Variants in CR1 observed in about 807,000 individuals in gnomAD.
The protein encoded by CR1 is complement receptor type 1.
Under a neutral mutation model 187.3 loss-of-function variants are expected in CR1, and 116 were observed. That is an observed-to-expected ratio of 0.62 (90% CI 0.53 to 0.72). The LOEUF (loss-of-function observed/expected upper bound fraction) is 0.72, where lower values mean the gene tolerates loss of function less well. CR1 is among the 30% of genes least tolerant of loss of function. The pLI, the probability that CR1 is intolerant of heterozygous loss-of-function variation, is 0.00. For missense variants in CR1, 1,731 were observed against 2,110.7 expected (o/e 0.82, Z 3.52); for synonymous variants, 576 against 747.1 (o/e 0.77, Z 3.73).
intron 33 of CR1, among the ~76,000 whole-genome samples, chr1:207,586,342 C>T (rs1262974861): frequency 6.6e-6 from 1 of 152,122 alleles, no homozygotes; most frequent in Non-Finnish European, 1.5e-5. Flanking sequence ...CATCATGTTG[C>T]CCAGGCTGGT....
chr1:207,609,998 CT>C (rs1351903681), intron 37 of CR1, among the ~76,000 whole-genome samples: 1 of 152,148 alleles, frequency 6.6e-6, no homozygotes, highest in Non-Finnish European at 1.5e-5. Context: ...TTCCAAGGCT[CT>C]GACTCCAGAG....
chr1:207,591,129 C>T (rs777459960), intron 35 of CR1, among the ~76,000 whole-genome samples: 38 of 152,176 alleles, frequency 2.5e-4, no homozygotes, highest in Non-Finnish European at 7.4e-5. Context: ...GAACTCTCCA[C>T]CCCAAATCAG....
intron 35 of CR1, among the ~76,000 whole-genome samples, chr1:207,603,696 T>C (rs1229629368): frequency 6.6e-6 from 1 of 152,170 alleles, no homozygotes; most frequent in Non-Finnish European, 1.5e-5. Context: ...TTCTAATTAT[T>C]ATATATTACT....
At chr1:207,588,850 C>A in intron 35 of CR1, 76 bp downstream of exon 35, 2 of 969,338 alleles carry the variant, frequency 2.1e-6, no homozygotes, top group South Asian at 1.5e-5. Context: ...CTCAGATAGA[C>A]AAACTAAACT....
chr1:207,520,670 G>A (rs185280595), intron 4 of CR1, among the ~76,000 whole-genome samples: 1 of 152,084 alleles, frequency 6.6e-6, no homozygotes, highest in Admixed American at 6.5e-5. Flanking sequence ...AAACATACCC[G>A]CATATGAGCT....
In CR1 at chr1:207,614,475, T is replaced by C; in HGVS notation, c.6647T>C (p.Val2216Ala). Residue 2216 changes from valine (V) to alanine (A), a missense_variant, in exon 40 of 47, where the codon GTT (valine) becomes GCT (alanine). Coordinates refer to ENST00000367049, the MANE Select transcript of CR1 (RefSeq NM_000651.6). ...ATGAAAGCCCTTTGGAATAGCAGTGTTCCAGTGTGTGAACGTGAGTAGAAA... is the reference window on the plus strand; with the variant it reads ...ATGAAAGCCCTTTGGAATAGCAGTGCTCCAGTGTGTGAACGTGAGTAGAAA... ...AGMKALWNSSVPVCEQIFCPN... is the reference protein window; with the variant it reads ...AGMKALWNSSAPVCEQIFCPN... 1 of 1,610,872 alleles carries C rather than the reference T, an allele frequency of 6.2e-7. No individual in the cohort carries two copies. The highest frequency in any genetic ancestry group is 8.5e-7 in the Non-Finnish European group (1 of 1,177,808).
At chr1:207,606,801 C>T (rs1661766636) in intron 35 of CR1, among the ~76,000 whole-genome samples, 1 of 152,086 alleles carries the variant, frequency 6.6e-6, no homozygotes, top group Non-Finnish European at 1.5e-5. Context: ...TGGGTAAATC[C>T]ATTGTTCTTT....
intron 35 of CR1, among the ~76,000 whole-genome samples, chr1:207,589,553 T>C (rs551555469): frequency 1.0e-3 from 159 of 152,174 alleles, no homozygotes; most frequent in African/African-American, 3.8e-3. Context: ...ATGCCTCTTC[T>C]CCTCCAAAGG....
intron 35 of CR1, among the ~76,000 whole-genome samples, chr1:207,600,198 G>C (rs943820017): frequency 6.6e-6 from 1 of 152,098 alleles, no homozygotes; most frequent in Non-Finnish European, 1.5e-5. Context: ...GACAATCTCC[G>C]GTTAGATGAA....
At chr1:207,584,621 G>A (rs764934655) in intron 32 of CR1, 28 bp from the exon 33 acceptor site, 22 of 1,606,700 alleles carry the variant, frequency 1.4e-5, no homozygotes, top group Non-Finnish European at 1.9e-5. Context: ...ATTTTTTATG[G>A]AATTGAGAGC....
intron 35 of CR1, among the ~76,000 whole-genome samples, chr1:207,606,834 A>G (rs994132528): frequency 6.6e-6 from 1 of 152,116 alleles, no homozygotes; most frequent in Non-Finnish European, 1.5e-5. Context: ...AGACTATCTG[A>G]GCACCCAAAA....
At chr1:207,588,814 A>G in intron 35 of CR1, 40 bp downstream of exon 35, 1 of 1,396,578 alleles carries the variant, frequency 7.2e-7, no homozygotes. Context: ...GAGTTCCAGA[A>G]CAGCAGAGCC....
intron 46 of CR1, among the ~76,000 whole-genome samples, chr1:207,636,050 C>A (rs889308527): frequency 6.6e-6 from 1 of 151,962 alleles, no homozygotes; most frequent in East Asian, 1.9e-4. Flanking sequence ...GACACAGTAA[C>A]AATCTGATCT....
chr1:207,609,539 C>T lies in CR1; in HGVS notation c.6146C>T (p.Ala2049Val). The T allele has an allele frequency of 5.0e-6, 8 of 1,613,892 alleles. No individual in the cohort carries two copies. Among genetic ancestry groups the T allele is most frequent in the Non-Finnish European group, 5.9e-6 (7 of 1,179,838 alleles). ...TGCACAGCTCCAGAAGTTGAAAATG[C>T]AATTAGAGTACCAGGAAACAGGAGT... ...NKCTAPEVEN[A>V]IRVPGNRSFF... The change falls in exon 37 of 47, where the codon GCA becomes GTA. Residue 2049 changes from alanine to valine, a missense_variant. By Grantham distance (64) the Ala-to-Val change is moderately conservative. This residue lies in a region of CR1 where 1,312 missense variants were observed against 1,379.6 expected (regional missense o/e 0.95). Transcript: ENST00000367049.
intron 36 of CR1, among the ~76,000 whole-genome samples, chr1:207,608,770 G>A (rs1287956386): frequency 6.6e-6 from 1 of 152,112 alleles, no homozygotes; most frequent in Non-Finnish European, 1.5e-5. Context: ...GTGTATATGT[G>A]TGTAGTCACT....
chr1:207,497,100 A>G (rs1265550499), intron 1 of CR1, among the ~76,000 whole-genome samples: 1 of 152,198 alleles, frequency 6.6e-6, no homozygotes, highest in Non-Finnish European at 1.5e-5. Context: ...AGCATACTTT[A>G]AGACAGATGC....
intron 3 of CR1, chr1:207,507,723 A>G (rs552000389): frequency 1.3e-5 from 2 of 152,304 alleles, no homozygotes; most frequent in African/African-American, 4.8e-5. Context: ...GCAGTTTTTT[A>G]TAAAACTAAA....
intron 25 of CR1, among the ~76,000 whole-genome samples, 170 bp downstream of exon 25, chr1:207,568,212 G>A (rs540786983): frequency 6.8e-6 from 1 of 148,120 alleles, no homozygotes; most frequent in Non-Finnish European, 1.5e-5. Context: ...AGATCCTGAT[G>A]ACCTTTGCAG....
chr1:207,506,786 C>A lies in CR1; in HGVS notation c.374C>A (p.Ser125Tyr), dbSNP rs781217918. ...GTGATCAAAGGCATCCAGTTCGGAT[C>A]CCAAATTAAATATTCTTGTACTAAA... is the stretch of plus-strand genomic sequence containing the variant. ...VHVIKGIQFG[S>Y]QIKYSCTKGY... Residue 125 changes from serine (S) to tyrosine (Y), a missense_variant, in exon 3 of 47, where the codon TCC (serine) becomes TAC (tyrosine). Physicochemically the swap from Ser to Tyr is moderately radical, Grantham distance 144. Coordinates refer to ENST00000367049, the MANE Select transcript of CR1 (RefSeq NM_000651.6). 6.2e-7 allele frequency: 1 copy of A among 1,613,442 alleles called. No individual in the cohort carries two copies. Among genetic ancestry groups the A allele is most frequent in the Non-Finnish European group, 8.5e-7 (1 of 1,179,550 alleles).
Sources: allele counts gnomAD v4.1 joint callset (sites outside exome capture counted in the v4.1 genomes callset), GRCh38; gene constraint gnomAD v4.1.1; regional missense constraint gnomAD v4.1.1; transcripts MANE v1.5; gene names NCBI Gene and HGNC (gene_info 2026-07-23, HGNC 2026-07-21).